The following SSH2 variants were observed in gnomAD, a reference collection of about 807,000 sequenced individuals.
SSH2 encodes protein phosphatase Slingshot homolog 2.
SSH2 carries 37 observed loss-of-function variants against 135.2 expected under a neutral mutation model. That is an observed-to-expected ratio of 0.27 (90% CI 0.21 to 0.36). The LOEUF is 0.36. Among genes scored for constraint, SSH2 ranks in the 10% least tolerant of loss-of-function variants. SSH2 has a pLI of 1.00. For missense variants in SSH2, 1,408 were observed against 1,765.3 expected (o/e 0.80, Z 3.63); for synonymous variants, 628 against 646.2 (o/e 0.97, Z 0.43).
At position 29,643,247 on chromosome 17, in the gene SSH2, T is replaced by TA. The variant is rs1028571970; in HGVS notation, c.1427+4896dup. On this transcript the variant is annotated intron_variant, in intron 14 of 15. Transcript: ENST00000540801. ...ATTCACTTGGCAGTTAGCCTACAAG[T>TA]ACCAAGGTGTCCTAATAACACATCA... 29 of 985,194 alleles carry TA rather than the reference T, an allele frequency of 2.9e-5. No individual in the cohort carries two copies. In the Admixed American group the frequency reaches 1.7e-3, roughly 59 times the overall value. The allele number at this position is 985,194 out of a possible 1,614,324, so 61.0% of individuals were successfully genotyped here.
At chr17:29,761,183 T>G in intron 3 of SSH2, 1 of 1,289,644 alleles carries the variant, frequency 7.8e-7, no homozygotes, top group Non-Finnish European at 1.0e-6. Context: ...GATGACCGCG[T>G]TGGCGGAGAA....
chr17:29,693,900 G>A lies in SSH2; in HGVS notation c.357+1559C>T, dbSNP rs1026277687. ...TGAGGAATCTTCCCTAACTACTATA[G>A]CTGTCCCACGGCATTCTTTGGCTCA... On this transcript the variant is annotated intron_variant, in intron 5 of 15. Coordinates refer to ENST00000540801, the MANE Select transcript of SSH2 (RefSeq NM_001282129.2). 2.6e-5 allele frequency among the ~76,000 whole-genome samples: 4 copies of A among 152,068 alleles called. No homozygotes were observed. In the South Asian group the frequency reaches 8.3e-4, roughly 32 times the overall value.
In SSH2 at chr17:29,632,013, C is replaced by T; in HGVS notation, c.3181G>A (p.Glu1061Lys). Residue 1061 changes from glutamate to lysine, a missense_variant, in exon 16 of 16, where the codon GAG becomes AAG. Physicochemically the swap from Glu to Lys is moderately conservative, Grantham distance 56 (BLOSUM62 1). This residue lies in a region of SSH2 where 1,080 missense variants were observed against 1,144.5 expected (regional missense o/e 0.94). Transcript: ENST00000540801. ...CTCAGCCCTTGCTCTCCGCTCTTCTCACTGGTGGCTATTTCACTCCCTGGC... is the reference window on the plus strand; with the variant it reads ...CTCAGCCCTTGCTCTCCGCTCTTCTTACTGGTGGCTATTTCACTCCCTGGC... ...TGPGSEIATS[E>K]KSGEQGLRKV... is the part of the protein sequence containing the mutation. The T allele has an allele frequency of 6.2e-7, 1 of 1,614,266 alleles. No homozygotes were observed. The highest frequency in any genetic ancestry group is 1.1e-5 in the South Asian group (1 of 91,088).
chr17:29,874,905 A>T (rs2066001809), intron 1 of SSH2, among the ~76,000 whole-genome samples: 1 of 152,132 alleles, frequency 6.6e-6, no homozygotes, highest in Admixed American at 6.6e-5. Context: ...GCTGGTCCTG[A>T]GCTCTCTTTT....
intron 1 of SSH2, among the ~76,000 whole-genome samples, chr17:29,886,784 C>T (rs2066247120): frequency 6.7e-6 from 1 of 150,154 alleles, no homozygotes; most frequent in African/African-American, 2.5e-5. Context: ...AATTTGCAGA[C>T]TGATGATGTG....
At chr17:29,745,527 T>C (rs1458259335) in intron 3 of SSH2, among the ~76,000 whole-genome samples, 1 of 152,204 alleles carries the variant, frequency 6.6e-6, no homozygotes, top group East Asian at 1.9e-4. Context: ...ACACTTACCA[T>C]GCAATAAATT....
At chr17:29,656,198 A>G (rs925403760) in intron 11 of SSH2, among the ~76,000 whole-genome samples, 1 of 152,110 alleles carries the variant, frequency 6.6e-6, no homozygotes, top group Non-Finnish European at 1.5e-5. Flanking sequence ...TTTTTCTGAG[A>G]CAGCGTCTTG....
intron 5 of SSH2, 96 bp from the exon 6 acceptor site, chr17:29,684,780 C>A: frequency 8.4e-7 from 1 of 1,185,948 alleles, no homozygotes; most frequent in East Asian, 2.7e-5. Flanking sequence ...AGCATACTCA[C>A]GAAGGCAGCA....
At chr17:29,793,963 AAATTAAAACCTGAGGTTTCATATCAT>A (rs960468894) in intron 2 of SSH2, 26 bp from the exon 3 acceptor site, 50 of 1,590,428 alleles carry the variant, frequency 3.1e-5, no homozygotes, top group Non-Finnish European at 4.2e-5. Context: ...ATGAAAAAAA[AAATTAAAACCTGAGGTTTCATATCAT>A]AATATCACTA....
intron 2 of SSH2, among the ~76,000 whole-genome samples, chr17:29,847,154 GA>G (rs1404570558): frequency 6.6e-6 from 1 of 152,108 alleles, no homozygotes; most frequent in East Asian, 1.9e-4. Flanking sequence ...AAATAGGGGG[GA>G]AAAATTCCAA....
intron 3 of SSH2, among the ~76,000 whole-genome samples, chr17:29,789,449 CAG>C (rs2042026786): frequency 6.6e-6 from 1 of 152,094 alleles, no homozygotes; most frequent in African/African-American, 2.4e-5. Flanking sequence ...CTAAGGGAAA[CAG>C]AGAAAATGAA....
chr17:29,724,008 G>T (rs2039906384), intron 3 of SSH2, among the ~76,000 whole-genome samples: 1 of 152,098 alleles, frequency 6.6e-6, no homozygotes, highest in Non-Finnish European at 1.5e-5. Context: ...GCCTCTCTTA[G>T]GTCCTATATA....
chr17:29,731,426 TTTATTTATTTATTTATTTATTTATTTA>T (rs2040192448), intron 3 of SSH2, among the ~76,000 whole-genome samples: 1 of 89,560 alleles, frequency 1.1e-5, no homozygotes, highest in Non-Finnish European at 2.4e-5. Flanking sequence ...TTTTTATTTA[TTTATTTATTTATTTATTTATTTATTTA>T]TTTATTTATT....
chr17:29,899,498 G>A (rs1435780277), intron 1 of SSH2, among the ~76,000 whole-genome samples: 1 of 152,036 alleles, frequency 6.6e-6, no homozygotes, highest in Non-Finnish European at 1.5e-5. Flanking sequence ...GACAAACAGA[G>A]AGCCAAATCA....
intron 3 of SSH2, among the ~76,000 whole-genome samples, chr17:29,718,665 G>A (rs1220602224): frequency 2.7e-5 from 4 of 149,268 alleles, no homozygotes; most frequent in Non-Finnish European, 5.9e-5. Context: ...CCCGGGAGGC[G>A]GAGCTTGCAG....
chr17:29,874,290 CA>C (rs1257142492), intron 1 of SSH2, among the ~76,000 whole-genome samples: 1 of 5,590 alleles, frequency 1.8e-4, no homozygotes, highest in Non-Finnish European at 2.9e-4. Flanking sequence ...CACTCTGTCT[CA>C]AAAAAATGGG....
At chr17:29,681,610 A>G (rs995532293) in intron 6 of SSH2, among the ~76,000 whole-genome samples, 14 of 152,038 alleles carry the variant, frequency 9.2e-5, no homozygotes, top group Admixed American at 2.0e-4. Context: ...TTATTTTATA[A>G]CTTAAAATAT....
chr17:29,760,855 TCAC>T (rs1319566089), intron 3 of SSH2, among the ~76,000 whole-genome samples: 2 of 151,952 alleles, frequency 1.3e-5, no homozygotes, highest in Admixed American at 6.6e-5. Context: ...TGTCACTCGG[TCAC>T]CACAACTTCT....
chr17:29,708,262 A>C (rs1386031810), intron 3 of SSH2, among the ~76,000 whole-genome samples: 2 of 152,210 alleles, frequency 1.3e-5, no homozygotes, highest in African/African-American at 4.8e-5. Context: ...TTAAAAATTC[A>C]ATTGACAAGG....
Sources: allele counts gnomAD v4.1 joint callset (sites outside exome capture counted in the v4.1 genomes callset), GRCh38; gene constraint gnomAD v4.1.1; regional missense constraint gnomAD v4.1.1; transcripts MANE v1.5; gene names NCBI Gene and HGNC (gene_info 2026-07-23, HGNC 2026-07-21).